The following DOP1B variants were observed in gnomAD, a reference collection of about 807,000 sequenced individuals.
DOP1B encodes the protein protein DOP1B.
Under a neutral mutation model 233.5 loss-of-function variants are expected in DOP1B, and 174 were observed. That is an observed-to-expected ratio of 0.75 (90% CI 0.66 to 0.85). The LOEUF (loss-of-function observed/expected upper bound fraction) is 0.85. Among genes scored for constraint, DOP1B ranks in the 40% least tolerant of loss-of-function variants. DOP1B has a pLI of 0.00. For synonymous variants in DOP1B, 1,190 were observed against 1,185.6 expected (o/e 1.00, Z -0.08); for missense variants, 2,652 against 2,846.6 (o/e 0.93, Z 1.56).
Position 36,213,406 on chromosome 21 carries a change from G to A in DOP1B, c.905-675G>A, listed in dbSNP as rs375453306. 2.6e-5 allele frequency among the ~76,000 whole-genome samples: 4 copies of A among 152,020 alleles called. No individual in the cohort carries two copies. The East Asian group carries it at 7.8e-4, about 30-fold the overall frequency. ...TGCACTTTCTTGCCCTGAGAACCTTGCAGACTTATCCAGGGCTCCAGCTGA... is the reference window on the plus strand; with the variant it reads ...TGCACTTTCTTGCCCTGAGAACCTTACAGACTTATCCAGGGCTCCAGCTGA... On this transcript the variant is annotated intron_variant, in intron 7 of 36. Coordinates refer to ENST00000691173, the MANE Select transcript of DOP1B (RefSeq NM_001320714.2).
At chr21:36,274,532 G>A (rs903930432) in intron 27 of DOP1B, among the ~76,000 whole-genome samples, 3 of 152,290 alleles carry the variant, frequency 2.0e-5, no homozygotes, top group African/African-American at 7.2e-5. Context: ...AGCAGTCACT[G>A]AGGTGGGTGA....
At chr21:36,196,166 A>T (rs1421092215) in intron 2 of DOP1B, among the ~76,000 whole-genome samples, 1 of 152,274 alleles carries the variant, frequency 6.6e-6, no homozygotes, top group Non-Finnish European at 1.5e-5. Flanking sequence ...CTTAGAGTAT[A>T]ATGAGCAAAA....
chr21:36,193,727 G>A (rs563246486), intron 2 of DOP1B, among the ~76,000 whole-genome samples: 4 of 152,282 alleles, frequency 2.6e-5, no homozygotes, highest in African/African-American at 2.4e-5. Flanking sequence ...GAAAAGTCTC[G>A]TAAGGTGGAA....
chr21:36,276,928 G>A, intron 27 of DOP1B, 93 bp from the exon 28 acceptor site: 2 of 1,188,936 alleles, frequency 1.7e-6, no homozygotes, highest in Non-Finnish European at 2.5e-6. Context: ...AAAGGCGGGA[G>A]CTGATGGCTC....
chr21:36,205,908 G>A (rs2066420577), intron 4 of DOP1B, among the ~76,000 whole-genome samples: 1 of 152,120 alleles, frequency 6.6e-6, no homozygotes, highest in Non-Finnish European at 1.5e-5. Flanking sequence ...TACTCAGGAG[G>A]CTGAGCCAGG....
At chr21:36,288,472 C>A (rs1028623757) in intron 33 of DOP1B, among the ~76,000 whole-genome samples, 2 of 152,058 alleles carry the variant, frequency 1.3e-5, no homozygotes, top group Admixed American at 6.6e-5. Flanking sequence ...GTGGATGGAT[C>A]ACTTGAGCCC....
At chr21:36,169,401 G>T in intron 2 of DOP1B, 1 of 884,940 alleles carries the variant, frequency 1.1e-6, no homozygotes, top group Non-Finnish European at 1.9e-6. Context: ...AAGGCCACAT[G>T]GTCAGGATGC....
At position 36,223,299 on chromosome 21, in the gene DOP1B, G is replaced by A. The variant is rs2066647425; in HGVS notation, c.1319G>A (p.Ser440Asn). The A allele has an allele frequency of 1.2e-6, 2 of 1,610,638 alleles. No individual in the cohort carries two copies. The highest frequency in any genetic ancestry group is 1.7e-6 in the Non-Finnish European group (2 of 1,179,278). ...KTVNLLITSL[S>N]TDFLWDYMTR... is the part of the protein sequence containing the mutation. The stretch of plus-strand genomic sequence containing the variant: ...GTAAATTTGCTGATAACTTCTCTAA[G>A]CACAGACTTTCTCTGGGATTATATG... The change falls in exon 11 of 37, where the codon AGC becomes AAC. Residue 440 changes from serine (S) to asparagine (N), a missense_variant. Coordinates refer to ENST00000691173, the MANE Select transcript of DOP1B (RefSeq NM_001320714.2).
At chr21:36,252,995 A>G (rs2067048807) in intron 22 of DOP1B, among the ~76,000 whole-genome samples, 1 of 152,126 alleles carries the variant, frequency 6.6e-6, no homozygotes, top group Non-Finnish European at 1.5e-5. Flanking sequence ...TGTGGCAGAC[A>G]TGGGCGCCTG....
rs139195617 is a variant in DOP1B, at chr21:36,246,442, G to T, written c.4462G>T (p.Val1488Leu). 1 of 1,613,718 alleles carries T rather than the reference G, an allele frequency of 6.2e-7. No homozygotes were observed. Among genetic ancestry groups the T allele is most frequent in the South Asian group, 1.1e-5 (1 of 91,032 alleles). ...GCAGGCCATCAGCGCCCTGCAGTAC[G>T]TGCAGCCCCACCCCCTCACCTCCCA... ...FQQAISALQY[V>L]QPHPLTSQGL... The change falls in exon 19 of 37, where the codon GTG becomes TTG. Residue 1488 changes from valine (V) to leucine (L), a missense_variant. Coordinates refer to ENST00000691173, the MANE Select transcript of DOP1B (RefSeq NM_001320714.2). The surrounding 1 kb of genome is among the most constrained non-coding windows in gnomAD (Gnocchi z 5.1).
At chr21:36,217,550 C>T (rs997164404) in intron 9 of DOP1B, among the ~76,000 whole-genome samples, 65 of 152,296 alleles carry the variant, frequency 4.3e-4, no homozygotes, top group African/African-American at 1.4e-3. Context: ...AAGTCCTACC[C>T]GAGATGTTTG....
At chr21:36,226,297 T>TCTC (rs200425810) in intron 12 of DOP1B, among the ~76,000 whole-genome samples, 12 of 145,272 alleles carry the variant, frequency 8.3e-5, no homozygotes, top group African/African-American at 2.7e-4. Flanking sequence ...TCTCTCTCTC[T>TCTC]TTTTTTTTTT....
chr21:36,157,136 A>G (rs980181005), intron 1 of DOP1B, among the ~76,000 whole-genome samples, 193 bp downstream of exon 1: 34 of 152,044 alleles, frequency 2.2e-4, no homozygotes, highest in African/African-American at 7.5e-4. Flanking sequence ...GCTCTGCTGC[A>G]GTGCGGGGGC....
chr21:36,246,448 C>T lies in DOP1B; in HGVS notation c.4468C>T (p.Pro1490Ser), dbSNP rs2066966634. ...CATCAGCGCCCTGCAGTACGTGCAGCCCCACCCCCTCACCTCCCAGGGTCT... is the reference window on the plus strand; with the variant it reads ...CATCAGCGCCCTGCAGTACGTGCAGTCCCACCCCCTCACCTCCCAGGGTCT... Reference protein sequence around the residue: ...QAISALQYVQPHPLTSQGLLV... With the variant: ...QAISALQYVQSHPLTSQGLLV... The change falls in exon 19 of 37, where the codon CCC (proline) becomes TCC (serine). Residue 1490 changes from proline (P) to serine (S), a missense_variant. Pro to Ser is a moderately conservative substitution (Grantham distance 74). Coordinates refer to ENST00000691173, the MANE Select transcript of DOP1B (RefSeq NM_001320714.2). This position sits in a 1 kb window ranked among gnomAD's most constrained non-coding sequence, Gnocchi z 5.1. 2 of 1,613,760 alleles carry T rather than the reference C, an allele frequency of 1.2e-6. No individual in the cohort carries two copies. Among genetic ancestry groups the T allele is most frequent in the South Asian group, 2.2e-5 (2 of 91,038 alleles).
chr21:36,255,216 C>G (rs1357593689), intron 23 of DOP1B, among the ~76,000 whole-genome samples: 1 of 151,920 alleles, frequency 6.6e-6, no homozygotes, highest in African/African-American at 2.4e-5. Flanking sequence ...CACTGCAACC[C>G]CGCCCCTGGG....
chr21:36,235,867 G>A (rs1039095396), intron 15 of DOP1B, among the ~76,000 whole-genome samples: 2 of 147,834 alleles, frequency 1.4e-5, no homozygotes, highest in African/African-American at 4.9e-5. Flanking sequence ...GGAAGTCGGG[G>A]GGGGGGCGGT....
chr21:36,163,674 C>T (rs1296998218), intron 1 of DOP1B, among the ~76,000 whole-genome samples: 1 of 152,094 alleles, frequency 6.6e-6, no homozygotes, highest in Admixed American at 6.6e-5. Flanking sequence ...ACTATTTGTC[C>T]TCATATATCA....
chr21:36,267,326 G>C (rs537731765), intron 26 of DOP1B, among the ~76,000 whole-genome samples: 4 of 152,270 alleles, frequency 2.6e-5, no homozygotes, highest in Admixed American at 2.0e-4. Context: ...AGAACCCGTG[G>C]TCCTAGAGAA....
chr21:36,160,289 C>T (rs1336642036), intron 1 of DOP1B, among the ~76,000 whole-genome samples: 4 of 152,096 alleles, frequency 2.6e-5, no homozygotes, highest in African/African-American at 9.6e-5. Context: ...GACAGGCCTT[C>T]CCAGGATTGA....
Sources: allele counts gnomAD v4.1 joint callset (sites outside exome capture counted in the v4.1 genomes callset), GRCh38; gene constraint gnomAD v4.1.1; non-coding constraint Gnocchi (gnomAD v3.1); transcripts MANE v1.5; gene names NCBI Gene and HGNC (gene_info 2026-07-23, HGNC 2026-07-21).